Variants in ADAM12 observed in about 807,000 individuals in gnomAD.
ADAM12 encodes ADAM metallopeptidase domain 12.
ADAM12 carries 70 observed loss-of-function variants against 106.4 expected under a neutral mutation model. That is an observed-to-expected ratio of 0.66 (90% confidence interval 0.54 to 0.80). The LOEUF (loss-of-function observed/expected upper bound fraction) is 0.80, where lower values mean the gene tolerates loss of function less well. Among genes scored for constraint, ADAM12 ranks in the 30% least tolerant of loss-of-function variants. ADAM12 has a pLI of 0.00. For synonymous variants in ADAM12, 420 were observed against 433.5 expected (o/e 0.97, Z 0.39); for missense variants, 1,010 against 1,171.9 (o/e 0.86, Z 2.02).
chr10:126,108,223 T>C (rs1955809544), intron 8 of ADAM12, among the ~76,000 whole-genome samples: 1 of 152,150 alleles, frequency 6.6e-6, no homozygotes, highest in African/African-American at 2.4e-5. Flanking sequence ...AAGGGGCCTG[T>C]GGGATCCGTC....
intron 1 of ADAM12, among the ~76,000 whole-genome samples, chr10:126,331,413 G>A (rs759788527): frequency 1.2e-4 from 18 of 152,158 alleles, no homozygotes; most frequent in Non-Finnish European, 2.6e-4. Context: ...TTACTAAAGA[G>A]TTCACATTTA....
chr10:126,309,988 A>G (rs1565205279), intron 2 of ADAM12, among the ~76,000 whole-genome samples: 1 of 151,874 alleles, frequency 6.6e-6, no homozygotes. Context: ...GTGAAACCCC[A>G]TCTCTACTAA....
At chr10:126,287,711 A>G (rs529080417) in intron 2 of ADAM12, among the ~76,000 whole-genome samples, 23 of 151,852 alleles carry the variant, frequency 1.5e-4, no homozygotes, top group African/African-American at 5.6e-4. Flanking sequence ...GTGTGGCTTA[A>G]CCTCCAGGCA....
At chr10:126,293,438 T>G (rs1565195842) in intron 2 of ADAM12, among the ~76,000 whole-genome samples, 1 of 152,312 alleles carries the variant, frequency 6.6e-6, no homozygotes, top group East Asian at 1.9e-4. Flanking sequence ...GGTATTGACT[T>G]CACAATCCCT....
intron 3 of ADAM12, among the ~76,000 whole-genome samples, chr10:126,257,664 C>A (rs576208550): frequency 6.6e-6 from 1 of 152,146 alleles, no homozygotes; most frequent in Non-Finnish European, 1.5e-5. Context: ...ATACTACAAT[C>A]GCTTCATGAA....
intron 3 of ADAM12, among the ~76,000 whole-genome samples, chr10:126,238,361 T>A (rs1288265485): frequency 6.6e-6 from 1 of 152,142 alleles, no homozygotes; most frequent in Non-Finnish European, 1.5e-5. Flanking sequence ...ACACCTGTTA[T>A]CCTAGCTAGT....
At chr10:126,148,695 C>G (rs952980974) in intron 4 of ADAM12, among the ~76,000 whole-genome samples, 1 of 152,152 alleles carries the variant, frequency 6.6e-6, no homozygotes, top group Non-Finnish European at 1.5e-5. Context: ...TGGAGATGAT[C>G]CACAGAGTCA....
At chr10:126,349,796 A>G (rs61863888) in intron 1 of ADAM12, among the ~76,000 whole-genome samples, 23,082 of 152,238 alleles carry the variant, frequency 0.15, 2,091 homozygotes, top group Middle Eastern at 0.28. Context: ...TATCAGATCT[A>G]TAACAATGCA....
At chr10:126,301,513 T>C (rs1047053545) in intron 2 of ADAM12, among the ~76,000 whole-genome samples, 1 of 152,164 alleles carries the variant, frequency 6.6e-6, no homozygotes, top group African/African-American at 2.4e-5. Context: ...CCTTCAGTTC[T>C]TGTTTAAAGG....
At chr10:126,343,749 T>C (rs1855026100) in intron 1 of ADAM12, among the ~76,000 whole-genome samples, 1 of 152,220 alleles carries the variant, frequency 6.6e-6, no homozygotes, top group African/African-American at 2.4e-5. Context: ...TATCTCATTG[T>C]GGTTTTGATT....
rs375114168 is a variant in ADAM12 at position 126,293,691 on chromosome 10, G to A, written c.187-14703C>T. ...ATGTCACCACGCCTGGCCAATTTTTGTTGTTTTTTAGTACAGACAGGGTTG... is the reference window on the plus strand; with the variant it reads ...ATGTCACCACGCCTGGCCAATTTTTATTGTTTTTTAGTACAGACAGGGTTG... On this transcript the variant is annotated intron_variant, in intron 2 of 22. Transcript: ENST00000448723. Among the ~76,000 whole-genome samples, 14 of 152,094 alleles carry A rather than the reference G, an allele frequency of 9.2e-5. No homozygotes were observed. The South Asian group carries it at 2.9e-3, about 32-fold the overall frequency.
intron 13 of ADAM12, 33 bp from the exon 14 acceptor site, chr10:126,065,034 C>T (rs745525599): frequency 1.3e-6 from 2 of 1,578,524 alleles, no homozygotes; most frequent in Non-Finnish European, 1.7e-6. Context: ...GACACATGCA[C>T]CCGGGGAAAG....
At chr10:126,104,727 A>T (rs146731602) in intron 8 of ADAM12, among the ~76,000 whole-genome samples, 58 of 152,208 alleles carry the variant, frequency 3.8e-4, no homozygotes, top group African/African-American at 1.4e-3. Flanking sequence ...TGTTTTGCTC[A>T]TGGGGGGATT....
chr10:126,290,216 C>T (rs1014588411), intron 2 of ADAM12, among the ~76,000 whole-genome samples: 1 of 152,194 alleles, frequency 6.6e-6, no homozygotes, highest in African/African-American at 2.4e-5. Context: ...CATGTTCCTA[C>T]CACCACATAG....
intron 11 of ADAM12, among the ~76,000 whole-genome samples, chr10:126,084,854 A>C (rs963956808): frequency 6.6e-6 from 1 of 152,180 alleles, no homozygotes. Context: ...GCAGGCTGAG[A>C]TCCAGAATGA....
chr10:126,041,525 G>C (rs1954169352), intron 18 of ADAM12: 2 of 985,748 alleles, frequency 2.0e-6, no homozygotes, highest in Non-Finnish European at 2.4e-6. Flanking sequence ...CCACAGCAAA[G>C]AGCCAGAGTT....
chr10:126,334,122 T>C (rs1354924279), intron 1 of ADAM12, among the ~76,000 whole-genome samples: 4 of 152,214 alleles, frequency 2.6e-5, no homozygotes, highest in South Asian at 4.1e-4. Flanking sequence ...ACTGCACGGA[T>C]AGACAGAATA....
At chr10:126,354,315 G>A (rs1855464601) in intron 1 of ADAM12, among the ~76,000 whole-genome samples, 1 of 152,136 alleles carries the variant, frequency 6.6e-6, no homozygotes, top group Admixed American at 6.5e-5. Context: ...TTGCAATAAT[G>A]TTAGTTAGTT....
At chr10:126,107,761 T>TC (rs963368752) in intron 8 of ADAM12, among the ~76,000 whole-genome samples, 65 of 151,600 alleles carry the variant, frequency 4.3e-4, no homozygotes, top group African/African-American at 1.1e-3. Flanking sequence ...AGGTCTAACC[T>TC]CCCCCCCGCC....
Sources: gnomAD v4.1 joint callset for allele counts (sites outside exome capture counted in the v4.1 genomes callset) on GRCh38, gnomAD v4.1.1 for gene constraint, MANE v1.5 for transcripts, NCBI Gene and HGNC (gene_info 2026-07-23, HGNC 2026-07-21) for gene names.